HERC3: variants seen among roughly 807,000 people sequenced by gnomAD.
The protein encoded by HERC3 is HECT and RLD domain containing E3 ubiquitin protein ligase 3, also known as probable E3 ubiquitin-protein ligase HERC3.
In HERC3, 58 loss-of-function variants were observed where a neutral mutation model predicts 129.9. The ratio of observed to expected loss-of-function variants is 0.45; its 90% CI spans 0.36 to 0.56. The LOEUF (loss-of-function observed/expected upper bound fraction) is 0.56. HERC3 is among the 20% of genes least tolerant of loss of function. The pLI, the probability that HERC3 is intolerant of heterozygous loss-of-function variation, is 0.00. For synonymous variants in HERC3, 430 were observed against 451.0 expected (o/e 0.95, Z 0.59); for missense variants, 835 against 1,244.2 (o/e 0.67, Z 4.95).
At chr4:88,536,091 G>A in the HERC3 span, among the ~76,000 whole-genome samples, 2 of 152,242 alleles carry the variant, frequency 1.3e-5, no homozygotes, top group African/African-American at 4.8e-5. Flanking sequence ...GCTCCCAGAT[G>A]ATTTCCCTAG....
chr4:88,576,891 G>T, the HERC3 span, among the ~76,000 whole-genome samples: 2 of 151,838 alleles, frequency 1.3e-5, no homozygotes, highest in African/African-American at 4.8e-5. Flanking sequence ...ACAAAATTTT[G>T]TACTTCCTCA....
intron 3 of HERC3, among the ~76,000 whole-genome samples, chr4:88,646,121 T>G (rs1437316099): frequency 6.6e-6 from 1 of 152,146 alleles, no homozygotes; most frequent in Non-Finnish European, 1.5e-5. Flanking sequence ...GTTGTGAGCC[T>G]TGGCCAAATT....
chr4:88,582,782 C>T, the HERC3 span, among the ~76,000 whole-genome samples: 10 of 152,198 alleles, frequency 6.6e-5, no homozygotes, highest in Non-Finnish European at 1.5e-4. Context: ...CTTGCTGCCA[C>T]CTTCCCTAGA....
intron 23 of HERC3, chr4:88,697,881 C>G (rs1052288062): frequency 7.6e-7 from 1 of 1,320,364 alleles, no homozygotes; most frequent in Admixed American, 2.7e-5. Flanking sequence ...ACGTTGGCCG[C>G]GGCCCCGCCT....
chr4:88,679,034 C>T (rs1438443392), intron 19 of HERC3, among the ~76,000 whole-genome samples: 2 of 152,180 alleles, frequency 1.3e-5, no homozygotes, highest in African/African-American at 4.8e-5. Flanking sequence ...TCTTGTCCTG[C>T]TCTAGGCAAT....
chr4:88,638,292 A>G (rs1727660256), intron 3 of HERC3, among the ~76,000 whole-genome samples: 1 of 152,234 alleles, frequency 6.6e-6, no homozygotes, highest in Admixed American at 6.5e-5. Flanking sequence ...CAACAAAAAA[A>G]AGAAAATTTC....
At chr4:88,636,030 A>G (rs957128066) in intron 3 of HERC3, among the ~76,000 whole-genome samples, 4 of 152,236 alleles carry the variant, frequency 2.6e-5, no homozygotes, top group African/African-American at 9.6e-5. Context: ...AACCAGTACC[A>G]GCCACTGCAA....
At chr4:88,560,383 A>G in the HERC3 span, among the ~76,000 whole-genome samples, 4 of 152,156 alleles carry the variant, frequency 2.6e-5, no homozygotes, top group Non-Finnish European at 5.9e-5. Flanking sequence ...TCATTGTTAT[A>G]TCTTCTTTGG....
the HERC3 span, among the ~76,000 whole-genome samples, chr4:88,540,780 G>T: frequency 6.6e-6 from 1 of 152,186 alleles, no homozygotes; most frequent in African/African-American, 2.4e-5. Context: ...AAGAGAGTGG[G>T]AGCCAATATT....
the HERC3 span, among the ~76,000 whole-genome samples, chr4:88,551,030 G>A: frequency 1.8e-4 from 26 of 147,784 alleles, no homozygotes; most frequent in African/African-American, 6.4e-4. Context: ...AACAAGCAAT[G>A]GGGAAAGGAT....
intron 23 of HERC3, among the ~76,000 whole-genome samples, chr4:88,702,731 C>T (rs1578356017): frequency 6.6e-6 from 1 of 152,184 alleles, no homozygotes; most frequent in Admixed American, 6.5e-5. Flanking sequence ...CACATGTTAG[C>T]GTCTCTGCAT....
intron 3 of HERC3, among the ~76,000 whole-genome samples, chr4:88,637,211 G>C (rs1727515609): frequency 6.6e-6 from 1 of 152,032 alleles, no homozygotes; most frequent in South Asian, 2.1e-4. Flanking sequence ...GGATCATGAG[G>C]TCAGGAGATC....
chr4:88,653,952 C>T, intron 6 of HERC3, 90 bp from the exon 7 acceptor site: 1 of 914,992 alleles, frequency 1.1e-6, no homozygotes, highest in Non-Finnish European at 1.8e-6. Context: ...CGTCAGGAAT[C>T]CAGGAATCCA....
intron 3 of HERC3, among the ~76,000 whole-genome samples, chr4:88,637,527 G>T (rs1209421577): frequency 6.6e-6 from 1 of 152,216 alleles, no homozygotes; most frequent in Non-Finnish European, 1.5e-5. Context: ...CAGAAATCAA[G>T]AAGTTATTTG....
chr4:88,699,945 A>G (rs185940189), intron 23 of HERC3, among the ~76,000 whole-genome samples: 1 of 152,326 alleles, frequency 6.6e-6, no homozygotes, highest in Non-Finnish European at 1.5e-5. Flanking sequence ...GATATAGAAC[A>G]GTAAATAGTC....
intron 2 of HERC3, chr4:88,598,207 G>A (rs1722599671): frequency 6.6e-6 from 1 of 152,196 alleles, no homozygotes; most frequent in African/African-American, 2.4e-5. Context: ...AGAATGAGTT[G>A]TTAGGCTGCT....
chr4:88,616,053 A>G (rs1490122114), intron 3 of HERC3, among the ~76,000 whole-genome samples: 3 of 152,212 alleles, frequency 2.0e-5, no homozygotes, highest in Non-Finnish European at 4.4e-5. Context: ...CCTTAATACT[A>G]CAGGATCTGA....
the HERC3 span, among the ~76,000 whole-genome samples, chr4:88,548,811 C>G: frequency 2.0e-5 from 3 of 152,016 alleles, no homozygotes; most frequent in Non-Finnish European, 4.4e-5. Flanking sequence ...CAGGCGCACA[C>G]CACCACGCCT....
At chr4:88,526,240 A>G in the HERC3 span, among the ~76,000 whole-genome samples, 2 of 152,246 alleles carry the variant, frequency 1.3e-5, no homozygotes, top group African/African-American at 4.8e-5. Context: ...CTAATTTCCA[A>G]TATGGATACT....
Sources: allele counts gnomAD v4.1 joint callset (sites outside exome capture counted in the v4.1 genomes callset), GRCh38; gene constraint gnomAD v4.1.1; transcripts MANE v1.5; gene names NCBI Gene and HGNC (gene_info 2026-07-23, HGNC 2026-07-21).